Variants in FER observed in about 807,000 individuals in gnomAD.
The protein encoded by FER is tyrosine-protein kinase Fer.
FER carries 63 observed loss-of-function variants against 111.0 expected under a neutral mutation model. That is an observed-to-expected ratio of 0.57 (90% CI 0.46 to 0.70). FER has a LOEUF of 0.70. FER is among the 30% of genes least tolerant of loss of function. FER has a pLI of 0.00. For synonymous variants in FER, 327 were observed against 313.9 expected, an observed-to-expected ratio of 1.04 and a Z score of -0.44; for missense variants, 914 against 954.0, an observed-to-expected ratio of 0.96 and a Z score of 0.55.
chr5:108,910,516 A>G (rs1351734968), intron 10 of FER, among the ~76,000 whole-genome samples: 1 of 152,130 alleles, frequency 6.6e-6, no homozygotes. Flanking sequence ...CAGTAGGTAT[A>G]TGTGCAGGTT....
chr5:109,018,791 G>T (rs1438341260), intron 13 of FER, among the ~76,000 whole-genome samples: 1 of 151,616 alleles, frequency 6.6e-6, no homozygotes, highest in East Asian at 1.9e-4. Flanking sequence ...ACCTTTAGAA[G>T]GGACTTAAGT....
chr5:108,826,832 A>G (rs1759523037), intron 3 of FER, among the ~76,000 whole-genome samples: 1 of 152,084 alleles, frequency 6.6e-6, no homozygotes, highest in Admixed American at 6.6e-5. Context: ...GGTAGGTTGT[A>G]TTTGTTTTTA....
chr5:108,957,379 G>A (rs7731221), intron 12 of FER, among the ~76,000 whole-genome samples: 39,605 of 151,134 alleles, frequency 0.26, 5,677 homozygotes, highest in African/African-American at 0.39. Context: ...CATCAGAGAA[G>A]TACAAATCAA....
intron 17 of FER, among the ~76,000 whole-genome samples, chr5:109,102,893 C>G (rs187080574): frequency 1.4e-4 from 21 of 152,088 alleles, no homozygotes; most frequent in African/African-American, 5.1e-4. Context: ...CTGTAGAACC[C>G]TGTTCCTATG....
At chr5:109,016,216 T>C (rs1047625869) in intron 13 of FER, among the ~76,000 whole-genome samples, 5 of 152,056 alleles carry the variant, frequency 3.3e-5, no homozygotes, top group African/African-American at 1.2e-4. Flanking sequence ...CAAGGCATCC[T>C]GTGTAGGGAA....
At chr5:108,854,354 A>G (rs1762801774) in intron 5 of FER, among the ~76,000 whole-genome samples, 1 of 152,194 alleles carries the variant, frequency 6.6e-6, no homozygotes, top group Non-Finnish European at 1.5e-5. Flanking sequence ...GAGCCGTTTC[A>G]AACAGTGAAA....
intron 8 of FER, among the ~76,000 whole-genome samples, chr5:108,874,081 T>C (rs1019649210): frequency 6.6e-6 from 1 of 152,218 alleles, no homozygotes; most frequent in Non-Finnish European, 1.5e-5. Flanking sequence ...TTACTGTATA[T>C]CTAAGGTTGT....
intron 3 of FER, among the ~76,000 whole-genome samples, chr5:108,808,780 C>A (rs904632838): frequency 6.6e-6 from 1 of 151,998 alleles, no homozygotes; most frequent in Non-Finnish European, 1.5e-5. Context: ...TGTGAGGCGA[C>A]CTGGTATAGA....
At chr5:109,007,186 A>G (rs1026787003) in intron 13 of FER, among the ~76,000 whole-genome samples, 6 of 152,188 alleles carry the variant, frequency 3.9e-5, no homozygotes, top group Admixed American at 2.6e-4. Flanking sequence ...ATATTCTGAG[A>G]TACATGAGGT....
chr5:108,857,548 A>G (rs1339691552), intron 5 of FER, among the ~76,000 whole-genome samples: 1 of 152,112 alleles, frequency 6.6e-6, no homozygotes, highest in Non-Finnish European at 1.5e-5. Flanking sequence ...GACGCTATGT[A>G]AATACGGTGT....
chr5:108,963,682 A>G (rs1027218660), intron 13 of FER, among the ~76,000 whole-genome samples: 3 of 152,220 alleles, frequency 2.0e-5, no homozygotes, highest in African/African-American at 7.2e-5. Context: ...CCAGAATGTC[A>G]TATAGATTGT....
At chr5:108,896,538 C>T (rs1749127774) in intron 9 of FER, among the ~76,000 whole-genome samples, 1 of 152,032 alleles carries the variant, frequency 6.6e-6, no homozygotes, top group Non-Finnish European at 1.5e-5. Flanking sequence ...ATTAGTTTTA[C>T]TTTTCTTAGA....
intron 10 of FER, among the ~76,000 whole-genome samples, chr5:108,905,421 C>A (rs1362045883): frequency 1.3e-5 from 2 of 151,888 alleles, no homozygotes; most frequent in Non-Finnish European, 2.9e-5. Context: ...GGTGAACTAG[C>A]CCTAGAAGGA....
chr5:109,072,003 C>A (rs765784465), intron 16 of FER, among the ~76,000 whole-genome samples: 1 of 150,668 alleles, frequency 6.6e-6, no homozygotes, highest in Non-Finnish European at 1.5e-5. Flanking sequence ...CGTTATGTTA[C>A]GAACCTAATT....
chr5:109,186,755 A>T (rs1310363311), intron 19 of FER, among the ~76,000 whole-genome samples: 1 of 152,236 alleles, frequency 6.6e-6, no homozygotes, highest in Non-Finnish European at 1.5e-5. Flanking sequence ...TTCCTAGACC[A>T]TAGATGGGAA....
At chr5:109,108,311 A>G (rs1450981218) in intron 17 of FER, among the ~76,000 whole-genome samples, 3 of 152,172 alleles carry the variant, frequency 2.0e-5, no homozygotes, top group African/African-American at 7.2e-5. Context: ...AAAACCTGTG[A>G]AGTAAAGCAA....
At chr5:108,967,759 CAAAAAAAAAA>C (rs774855414) in intron 13 of FER, among the ~76,000 whole-genome samples, 1 of 34,474 alleles carries the variant, frequency 2.9e-5, no homozygotes, top group Non-Finnish European at 5.7e-5. Context: ...GACTCCGTCT[CAAAAAAAAAA>C]AAAAAAAAAA....
intron 11 of FER, among the ~76,000 whole-genome samples, chr5:108,947,814 A>C (rs1195391921): frequency 6.6e-6 from 1 of 151,652 alleles, no homozygotes; most frequent in Non-Finnish European, 1.5e-5. Context: ...TCTTCCACTT[A>C]TATCTTTGTT....
chr5:109,054,087 C>T (rs1319526510), intron 16 of FER, among the ~76,000 whole-genome samples: 1 of 152,148 alleles, frequency 6.6e-6, no homozygotes, highest in Non-Finnish European at 1.5e-5. Context: ...AATGAAGTTG[C>T]TGTAAACATT....
Sources: allele counts gnomAD v4.1 joint callset (sites outside exome capture counted in the v4.1 genomes callset), GRCh38; gene constraint gnomAD v4.1.1; transcripts MANE v1.5; gene names NCBI Gene and HGNC (gene_info 2026-07-23, HGNC 2026-07-21).